Variants in LMLN observed in about 807,000 individuals in gnomAD.
LMLN encodes the protein leishmanolysin like peptidase, also known as leishmanolysin-like peptidase.
In LMLN, 70 loss-of-function variants were observed where a neutral mutation model predicts 92.3. That is an observed-to-expected ratio of 0.76 (90% CI 0.63 to 0.92). LMLN has a LOEUF of 0.92. Ranked by LOEUF, LMLN falls within the 40% of genes least tolerant of loss-of-function variation. The probability of loss-of-function intolerance (pLI) is 0.00; values close to 1 mark genes in which losing one functional copy is unlikely to be tolerated. For missense variants in LMLN, 691 were observed against 814.6 expected (o/e 0.85, Z 1.85); for synonymous variants, 308 against 296.2 (o/e 1.04, Z -0.41).
intron 1 of LMLN, 70 bp from the exon 2 acceptor site, chr3:197,974,307 T>G (rs367991498): frequency 7.7e-6 from 6 of 774,500 alleles, no homozygotes; most frequent in African/African-American, 7.3e-5. Flanking sequence ...AGTTCATTAA[T>G]TTTAAGTTTG....
chr3:198,010,281 G>A (rs1031712647), intron 11 of LMLN, among the ~76,000 whole-genome samples: 4 of 152,086 alleles, frequency 2.6e-5, no homozygotes, highest in South Asian at 4.1e-4. Flanking sequence ...AGCCTCCCAA[G>A]TAGCTGGGAC....
In LMLN at chr3:197,990,554, T is replaced by C. The variant is rs1721836491; in HGVS notation, c.930-5T>C. 4 of 1,241,436 alleles carry C rather than the reference T, an allele frequency of 3.2e-6. No individual in the cohort carries two copies. Among genetic ancestry groups the C allele is most frequent in the Non-Finnish European group, 4.7e-6 (4 of 848,826 alleles). The allele number at this position is 1,241,436 out of a possible 1,614,324, so 76.9% of individuals were successfully genotyped here. A position where few individuals can be genotyped will look rare whatever the true frequency, so the allele number is the denominator to read the frequency against. ...AATAATTGTGTTTTAATTCTATAAT[T>C]ACAGTCTGGGATTATATCAATGGAG... is the stretch of plus-strand genomic sequence containing the variant. On this transcript the variant is annotated splice_polypyrimidine_tract_variant and splice_region_variant and intron_variant, in intron 8 of 15. Coordinates refer to ENST00000330198, the Ensembl canonical transcript of LMLN.
chr3:197,972,062 C>G (rs1455361560), intron 1 of LMLN, among the ~76,000 whole-genome samples: 2 of 141,328 alleles, frequency 1.4e-5, no homozygotes, highest in Non-Finnish European at 3.0e-5. Context: ...TCTTTTAATT[C>G]TTTCTAGTGA....
chr3:197,963,318 C>G (rs1351487280), intron 1 of LMLN, among the ~76,000 whole-genome samples: 1 of 151,906 alleles, frequency 6.6e-6, no homozygotes, highest in Non-Finnish European at 1.5e-5. Flanking sequence ...ATCCTTCTGC[C>G]TTAATCTCCC....
chr3:198,008,031 A>G (rs565212159), intron 11 of LMLN, among the ~76,000 whole-genome samples: 2 of 152,302 alleles, frequency 1.3e-5, no homozygotes, highest in East Asian at 3.9e-4. Context: ...GGTGGACTTC[A>G]TTGGTTGATT....
intron 1 of LMLN, among the ~76,000 whole-genome samples, chr3:197,963,477 C>A (rs572953996): frequency 6.6e-5 from 10 of 152,174 alleles, no homozygotes; most frequent in Admixed American, 2.0e-4. Context: ...AGGCATGAGC[C>A]GCCGTGCCCA....
Position 198,025,189 on chromosome 3 carries a change from A to G in LMLN, c.1656+401A>G, listed in dbSNP as rs762274274. ...GGTGGCTCACGCCTGTAATCCCAGC[A>G]CTTTGGGAGGCTGAGCCAGGAGGAT... On this transcript the variant is annotated intron_variant, in intron 14 of 15. Coordinates refer to ENST00000330198, the Ensembl canonical transcript of LMLN. The surrounding 1 kb of genome is among the most constrained non-coding windows in gnomAD (Gnocchi z 4.3). 3.2e-4 allele frequency among the ~76,000 whole-genome samples: 49 copies of G among 152,166 alleles called. No individual in the cohort carries two copies. Among genetic ancestry groups the G allele is most frequent in the Admixed American group, 8.5e-4 (13 of 15,282 alleles).
intron 1 of LMLN, among the ~76,000 whole-genome samples, chr3:197,969,585 GT>G (rs1721166082): frequency 6.6e-6 from 1 of 152,056 alleles, no homozygotes; most frequent in Non-Finnish European, 1.5e-5. Context: ...CTTTTTACCA[GT>G]TCTTTTATGT....
chr3:198,038,957 C>T, exon 16 of LMLN: 1 of 311,574 alleles, frequency 3.2e-6, no homozygotes, highest in East Asian at 6.3e-5. Context: ...AGCAACCCAG[C>T]CACCTTCATC....
At chr3:197,988,419 G>C (rs1480515364) in intron 8 of LMLN, among the ~76,000 whole-genome samples, 1 of 148,524 alleles carries the variant, frequency 6.7e-6, no homozygotes, top group Admixed American at 6.7e-5. Context: ...TATGTATTTT[G>C]GGATTCTTTT....
chr3:197,980,327 A>C (rs1721519657), exon 6 of LMLN: 1 of 1,612,456 alleles, frequency 6.2e-7, no homozygotes, highest in South Asian at 1.1e-5. Context: ...TGGGTGCAGC[A>C]ATGCCGGGTC....
chr3:197,994,750 A>T (rs1721971014), intron 9 of LMLN: 1 of 152,230 alleles, frequency 6.6e-6, no homozygotes, highest in Admixed American at 6.5e-5. Flanking sequence ...AGTGTTGGTG[A>T]GGATGTGGAG....
intron 1 of LMLN, among the ~76,000 whole-genome samples, chr3:197,968,011 G>A (rs1721107889): frequency 6.6e-6 from 1 of 152,094 alleles, no homozygotes; most frequent in African/African-American, 2.4e-5. Context: ...CTGTTATTCT[G>A]TTCTTTTTCA....
Position 197,981,732 on chromosome 3 carries a change from T to C in LMLN, c.728+1228T>C, listed in dbSNP as rs1357636146. Among the ~76,000 whole-genome samples, 6 of 152,020 alleles carry C rather than the reference T, an allele frequency of 3.9e-5. No homozygotes were observed. In the East Asian group the frequency reaches 9.7e-4, roughly 24 times the overall value. ...GCCATATGTCTCAGAATAGATTGTA[T>C]ATAACATTCTCAGATCTAGGTGAGA... is the stretch of plus-strand genomic sequence containing the variant. On this transcript the variant is annotated intron_variant, in intron 6 of 15. Coordinates refer to ENST00000330198, the Ensembl canonical transcript of LMLN.
At chr3:197,986,464 AAAG>A (rs1434351140) in intron 8 of LMLN, among the ~76,000 whole-genome samples, 1 of 152,204 alleles carries the variant, frequency 6.6e-6, no homozygotes, top group Non-Finnish European at 1.5e-5. Context: ...TCAAGAAAAA[AAAG>A]AGAAGCCTTC....
intron 11 of LMLN, among the ~76,000 whole-genome samples, chr3:198,007,889 A>G (rs2109912377): frequency 6.6e-6 from 1 of 152,328 alleles, no homozygotes; most frequent in South Asian, 2.1e-4. Flanking sequence ...GTTCTTTATC[A>G]AGTTGAGAAA....
At chr3:197,997,118 T>C (rs79874961) in intron 10 of LMLN, among the ~76,000 whole-genome samples, 11 of 135,846 alleles carry the variant, frequency 8.1e-5, no homozygotes, top group Non-Finnish European at 1.7e-4. Flanking sequence ...TTTCTTTTTC[T>C]TTTTCCTTTT....
chr3:198,032,952 C>T (rs1458895604), intron 14 of LMLN, among the ~76,000 whole-genome samples: 2 of 152,134 alleles, frequency 1.3e-5, no homozygotes, highest in East Asian at 3.8e-4. Flanking sequence ...TTCTTGGTAC[C>T]AGGTGTGGCT....
At chr3:197,969,569 A>G (rs1721165557) in intron 1 of LMLN, among the ~76,000 whole-genome samples, 1 of 152,040 alleles carries the variant, frequency 6.6e-6, no homozygotes, top group African/African-American at 2.4e-5. Context: ...ATTGATAGAG[A>G]GCATCCTTTT....
Sources: gnomAD v4.1 joint callset for allele counts (sites outside exome capture counted in the v4.1 genomes callset) on GRCh38, gnomAD v4.1.1 for gene constraint, Gnocchi (gnomAD v3.1) non-coding constraint, MANE v1.5 for transcripts, NCBI Gene and HGNC (gene_info 2026-07-23, HGNC 2026-07-21) for gene names.